Variants in ZNF469 observed in about 807,000 individuals in gnomAD.
ZNF469 encodes zinc finger protein 469.
A neutral mutation model predicts 1.0 loss-of-function variants in ZNF469; 1 was observed. That is an observed-to-expected ratio of 1.00 (90% CI 0.35 to 4.73). ZNF469 has a LOEUF of 4.73. Among genes scored for constraint, ZNF469 ranks in the 30% most tolerant of loss-of-function variants. The pLI is 0.16. For synonymous variants in ZNF469, 2,703 were observed against 2,363.4 expected (o/e 1.14, Z -4.17); for missense variants, 6,100 against 5,356.3 (o/e 1.14, Z -4.33).
chr16:88,264,472 C>G, the ZNF469 span, among the ~76,000 whole-genome samples: 1 of 151,636 alleles, frequency 6.6e-6, no homozygotes, highest in Non-Finnish European at 1.5e-5. Flanking sequence ...CCTGCTCTGC[C>G]CCCACCCCAG....
chr16:88,262,201 C>G, the ZNF469 span, among the ~76,000 whole-genome samples: 6 of 152,156 alleles, frequency 3.9e-5, no homozygotes, highest in Non-Finnish European at 5.9e-5. This position sits in a 1 kb window ranked among gnomAD's most constrained non-coding sequence, Gnocchi z 4.3. Flanking sequence ...AGGGAAGAGG[C>G]CTTTTCCATC....
At chr16:88,188,279 T>C in the ZNF469 span, among the ~76,000 whole-genome samples, 120,382 of 151,470 alleles carry the variant, frequency 0.79, 48,073 homozygotes, top group East Asian at 0.87. Flanking sequence ...CCTCCCCGAC[T>C]GAGCACCCGT....
chr16:88,400,857 A>C (rs1005578157), intron 1 of ZNF469, among the ~76,000 whole-genome samples: 2 of 151,852 alleles, frequency 1.3e-5, no homozygotes, highest in Non-Finnish European at 2.9e-5. Context: ...ACCCCAAGAC[A>C]GTGGTTACCA....
chr16:88,353,843 G>A, the ZNF469 span, among the ~76,000 whole-genome samples: 4 of 152,312 alleles, frequency 2.6e-5, no homozygotes, highest in African/African-American at 9.6e-5. Context: ...CAGCTGGAAG[G>A]ACCAGGAAGG....
the ZNF469 span, among the ~76,000 whole-genome samples, chr16:88,283,341 C>T: frequency 2.7e-5 from 4 of 150,314 alleles, no homozygotes; most frequent in East Asian, 3.9e-4. Context: ...CTCTGGTTAA[C>T]GCAGTACACC....
At position 88,431,685 on chromosome 16, in the gene ZNF469, G is replaced by T. The variant is rs1219664452; in HGVS notation, c.4215G>T (p.Arg1405Ser). The T allele has an allele frequency of 6.4e-7, 1 of 1,550,438 alleles. No individual in the cohort carries two copies. The highest frequency in any genetic ancestry group is 8.7e-7 in the Non-Finnish European group (1 of 1,146,992). Residue 1405 changes from arginine to serine, a missense_variant, in exon 3 of 3, where the codon AGG becomes AGT. By Grantham distance (110) the Arg-to-Ser change is moderately radical. Transcript: ENST00000565624. ...LEELHPKPSARDAPPASSSCL... is the reference protein window; with the variant it reads ...LEELHPKPSASDAPPASSSCL... Reference sequence around the variant, plus strand: ...AACTGCACCCCAAGCCCTCAGCCAGGGATGCCCCGCCGGCCAGCAGCTCCT... The same window carrying T: ...AACTGCACCCCAAGCCCTCAGCCAGTGATGCCCCGCCGGCCAGCAGCTCCT...
chr16:88,366,973 C>T, the ZNF469 span, among the ~76,000 whole-genome samples: 1 of 152,168 alleles, frequency 6.6e-6, no homozygotes, highest in East Asian at 1.9e-4. Flanking sequence ...CTGTCATTAC[C>T]ACCATCACTG....
chr16:88,219,928 G>A, the ZNF469 span, among the ~76,000 whole-genome samples: 1 of 152,128 alleles, frequency 6.6e-6, no homozygotes, highest in African/African-American at 2.4e-5. Context: ...GATGCCCCTA[G>A]AGAGAAGGCA....
chr16:88,406,868 C>T (rs915881586), intron 1 of ZNF469, among the ~76,000 whole-genome samples: 1 of 152,182 alleles, frequency 6.6e-6, no homozygotes, highest in African/African-American at 2.4e-5. Context: ...CCCGTCGGCC[C>T]CCAGGTCTCC....
At chr16:88,374,373 T>C in the ZNF469 span, among the ~76,000 whole-genome samples, 1 of 152,140 alleles carries the variant, frequency 6.6e-6, no homozygotes, top group Non-Finnish European at 1.5e-5. Flanking sequence ...AAACATCACA[T>C]ACAGAATGAG....
At chr16:88,340,897 G>A in the ZNF469 span, among the ~76,000 whole-genome samples, 1 of 152,022 alleles carries the variant, frequency 6.6e-6, no homozygotes, top group Non-Finnish European at 1.5e-5. Flanking sequence ...GAGCCCGGGG[G>A]CCTAGCGTGG....
At chr16:88,115,023 A>C in the ZNF469 span, among the ~76,000 whole-genome samples, 3 of 152,166 alleles carry the variant, frequency 2.0e-5, no homozygotes, top group Admixed American at 6.5e-5. Flanking sequence ...CTTAAAAAAC[A>C]ACCACCAACC....
rs1162765260 is a variant in ZNF469 at position 88,434,821 on chromosome 16, T to C, written c.7351T>C (p.Tyr2451His). The C allele has an allele frequency of 1.3e-6, 2 of 1,550,098 alleles. No homozygotes were observed. The highest frequency in any genetic ancestry group is 1.7e-6 in the Non-Finnish European group (2 of 1,146,974). ...AGACCTCAAACAGAGGTCCCGTGGC[T>C]ATAAAAAGAAGCCTGCATCTACAGA... is the stretch of plus-strand genomic sequence containing the variant. The part of the protein sequence containing the change: ...PQDLKQRSRG[Y>H]KKKPASTENG... The change falls in exon 3 of 3, where the codon TAT becomes CAT. Residue 2451 changes from tyrosine to histidine, a missense_variant. Transcript: ENST00000565624.
At chr16:88,238,443 G>T in the ZNF469 span, among the ~76,000 whole-genome samples, 3 of 152,154 alleles carry the variant, frequency 2.0e-5, no homozygotes, top group African/African-American at 7.2e-5. Flanking sequence ...ACCCTAAATA[G>T]ACCCTAGATA....
chr16:88,423,933 G>C (rs1183688362), intron 1 of ZNF469, among the ~76,000 whole-genome samples: 1 of 152,264 alleles, frequency 6.6e-6, no homozygotes, highest in African/African-American at 2.4e-5. Context: ...CTGTGTTCAA[G>C]TGGAGAGAAT....
At chr16:88,133,892 G>A in the ZNF469 span, among the ~76,000 whole-genome samples, 1 of 152,152 alleles carries the variant, frequency 6.6e-6, no homozygotes, top group Non-Finnish European at 1.5e-5. Context: ...TCAGGAGTTC[G>A]AGACCAGCCT....
intron 1 of ZNF469, among the ~76,000 whole-genome samples, chr16:88,397,688 TAG>T (rs1904731076): frequency 3.1e-5 from 2 of 64,300 alleles, no homozygotes; most frequent in Non-Finnish European, 6.8e-5. Flanking sequence ...ATAGATGTGA[TAG>T]AGACACATAG....
the ZNF469 span, among the ~76,000 whole-genome samples, chr16:88,367,436 G>A: frequency 1.3e-5 from 2 of 151,224 alleles, no homozygotes; most frequent in Non-Finnish European, 2.9e-5. Flanking sequence ...TCCTTCCCCT[G>A]CCCCAGGATA....
At chr16:88,289,297 G>C in the ZNF469 span, among the ~76,000 whole-genome samples, 6 of 149,304 alleles carry the variant, frequency 4.0e-5, no homozygotes, top group Admixed American at 4.0e-4. Context: ...GATGATGATG[G>C]TGATGAGGAT....
Sources: gnomAD v4.1 joint callset for allele counts (sites outside exome capture counted in the v4.1 genomes callset) on GRCh38, gnomAD v4.1.1 for gene constraint, Gnocchi (gnomAD v3.1) non-coding constraint, MANE v1.5 for transcripts, NCBI Gene and HGNC (gene_info 2026-07-23, HGNC 2026-07-21) for gene names.